FNDC3B: variants seen among roughly 807,000 people sequenced by gnomAD.
FNDC3B encodes the protein fibronectin type III domain containing 3B, also known as fibronectin type III domain-containing protein 3B.
FNDC3B carries 12 observed loss-of-function variants against 151.5 expected under a neutral mutation model. The observed-to-expected ratio is 0.08, with a 90% confidence interval of 0.05 to 0.13. The LOEUF is 0.13. Ranked by LOEUF, FNDC3B falls within the 10% of genes least tolerant of loss-of-function variation. FNDC3B has a pLI of 1.00. For synonymous variants in FNDC3B, 528 were observed against 549.0 expected (o/e 0.96, Z 0.54); for missense variants, 1,214 against 1,505.3 (o/e 0.81, Z 3.20).
At chr3:172,051,083 C>CA (rs1716627185) in intron 1 of FNDC3B, among the ~76,000 whole-genome samples, 1 of 137,782 alleles carries the variant, frequency 7.3e-6, no homozygotes, top group South Asian at 2.3e-4. Flanking sequence ...TTTCTTTCTT[C>CA]TTTTTTTTTT....
chr3:172,394,101 CCTT>C lies in FNDC3B; in HGVS notation c.3304-3060_3304-3058del, dbSNP rs1736152053. Among the ~76,000 whole-genome samples, 4 of 18,694 alleles carry C rather than the reference CCTT, an allele frequency of 2.1e-4. No individual in the cohort carries two copies. In the East Asian group the frequency reaches 3.0e-3, roughly 14 times the overall value. 12.3% of individuals were successfully genotyped at this position (18,694 alleles called of 152,430 possible). Reference sequence around the variant, plus strand: ...CTAGCCTGGGTGACAGAGTGAGACTCCTTCTAAAAAAAAAAAAAAAAAAAAAAA... The same window carrying C: ...CTAGCCTGGGTGACAGAGTGAGACTCCTAAAAAAAAAAAAAAAAAAAAAAA... On this transcript the variant is annotated intron_variant, in intron 25 of 25. Transcript: ENST00000415807.
rs538489854 is a variant in FNDC3B at position 172,050,304 on chromosome 3, A to G, written c.-29+10533A>G. Among the ~76,000 whole-genome samples the G allele has an allele frequency of 1.7e-3, 263 of 152,350 alleles. 1 individual carries two copies. Among genetic ancestry groups the G allele is most frequent in the Non-Finnish European group, 3.0e-3 (205 of 68,038 alleles). The stretch of plus-strand genomic sequence containing the variant: ...CATTTACTACCACAAAATGTTTACC[A>G]TTCATTCCAGAACTCCTGGAAAACA... On this transcript the variant is annotated intron_variant, in intron 1 of 25. Coordinates refer to ENST00000415807, the MANE Select transcript of FNDC3B (RefSeq NM_022763.4).
In FNDC3B at chr3:172,400,632, A is replaced by G. The variant is rs1000115810; in HGVS notation, c.*3157A>G. ...TTGCAAATATTATGCTATATGTAAT[A>G]CCTAACTGTATCTGTAGTGTATATG... On this transcript the variant is annotated 3_prime_UTR_variant, in exon 26 of 26. Transcript: ENST00000415807. 2.6e-5 allele frequency: 4 copies of G among 152,634 alleles called. No individual in the cohort carries two copies. The highest frequency in any genetic ancestry group is 9.7e-5 in the African/African-American group (4 of 41,450). 9.5% of individuals were successfully genotyped at this position (152,634 alleles called of 1,614,324 possible). A position where few individuals can be genotyped will look rare whatever the true frequency, so the allele number is the denominator to read the frequency against.
At chr3:172,126,948 C>G (rs911614154) in intron 2 of FNDC3B, 1 of 454,026 alleles carries the variant, frequency 2.2e-6, no homozygotes, top group East Asian at 7.0e-5. Context: ...AGGAGTCACT[C>G]TTGTTGCCGG....
intron 1 of FNDC3B, among the ~76,000 whole-genome samples, chr3:172,089,263 T>TG (rs1718694149): frequency 6.6e-6 from 1 of 152,110 alleles, no homozygotes; most frequent in Non-Finnish European, 1.5e-5. Context: ...GAATCAAGAG[T>TG]GTAGGAAAAC....
In FNDC3B at chr3:172,116,994, T is replaced by C. The variant is rs181171970; in HGVS notation, c.111+4404T>C. On this transcript the variant is annotated intron_variant, in intron 2 of 25. Transcript: ENST00000415807. Reference sequence around the variant, plus strand: ...TAATCCACTCATGATCTGATAGACATCTGAGTTATTTTCACTTTTTGGCTG... The same window carrying C: ...TAATCCACTCATGATCTGATAGACACCTGAGTTATTTTCACTTTTTGGCTG... Among the ~76,000 whole-genome samples the C allele has an allele frequency of 1.2e-4, 18 of 152,372 alleles. No individual in the cohort carries two copies. The East Asian group carries it at 2.1e-3, about 18-fold the overall frequency.
At chr3:172,394,135 A>T (rs1324015931) in intron 25 of FNDC3B, among the ~76,000 whole-genome samples, 5 of 139,630 alleles carry the variant, frequency 3.6e-5, no homozygotes, top group African/African-American at 1.3e-4. Flanking sequence ...AAAAAAAAAA[A>T]ATGGATACAG....
At chr3:172,249,466 T>G (rs891879259) in intron 5 of FNDC3B, among the ~76,000 whole-genome samples, 1 of 152,196 alleles carries the variant, frequency 6.6e-6, no homozygotes, top group Admixed American at 6.5e-5. Context: ...TGATTTCAAA[T>G]TAAAGCAGTA....
chr3:172,104,195 A>G (rs1028705261), intron 1 of FNDC3B, among the ~76,000 whole-genome samples: 1 of 152,192 alleles, frequency 6.6e-6, no homozygotes, highest in African/African-American at 2.4e-5. Flanking sequence ...TTTAATCAAT[A>G]TTAGGTATGC....
At chr3:172,131,039 A>G (rs189451781) in intron 2 of FNDC3B, among the ~76,000 whole-genome samples, 1 of 152,324 alleles carries the variant, frequency 6.6e-6, no homozygotes, top group African/African-American at 2.4e-5. Flanking sequence ...TTTATATTGT[A>G]TATTTATGTA....
intron 4 of FNDC3B, among the ~76,000 whole-genome samples, chr3:172,229,431 C>T (rs1381582821): frequency 1.3e-5 from 2 of 152,076 alleles, no homozygotes; most frequent in African/African-American, 4.8e-5. Context: ...TAAATACACA[C>T]TTTCATGTCC....
At chr3:172,199,191 T>G (rs186112323) in intron 3 of FNDC3B, among the ~76,000 whole-genome samples, 1 of 148,412 alleles carries the variant, frequency 6.7e-6, no homozygotes, top group Non-Finnish European at 1.5e-5. Flanking sequence ...TTTTTATTTT[T>G]TTTTTTTTGA....
intron 11 of FNDC3B, among the ~76,000 whole-genome samples, chr3:172,325,724 G>C (rs945692045): frequency 6.6e-6 from 1 of 152,142 alleles, no homozygotes; most frequent in South Asian, 2.1e-4. Context: ...TGGAGCCAGT[G>C]GCCTTCTCCA....
At chr3:172,117,466 ACAT>A (rs2108548236) in intron 2 of FNDC3B, among the ~76,000 whole-genome samples, 1 of 152,340 alleles carries the variant, frequency 6.6e-6, no homozygotes, top group African/African-American at 2.4e-5. Context: ...AAAAGAATAA[ACAT>A]CAGCCCAAAT....
intron 1 of FNDC3B, among the ~76,000 whole-genome samples, chr3:172,079,993 A>T (rs1193542003): frequency 6.6e-6 from 1 of 152,228 alleles, no homozygotes; most frequent in African/African-American, 2.4e-5. Flanking sequence ...TGCCCAGTCA[A>T]GAAAATGGGG....
chr3:172,258,725 A>C (rs1165302996), intron 6 of FNDC3B, among the ~76,000 whole-genome samples: 1 of 152,096 alleles, frequency 6.6e-6, no homozygotes, highest in Non-Finnish European at 1.5e-5. Flanking sequence ...GCTTAATGTT[A>C]ATAAGGTCTG....
Position 172,344,270 on chromosome 3 carries a change from C to T in FNDC3B, c.2250+12C>T, listed in dbSNP as rs1479069417. 6.2e-7 allele frequency: 1 copy of T among 1,601,354 alleles called. No homozygotes were observed. The highest frequency in any genetic ancestry group is 2.3e-5 in the East Asian group (1 of 44,356). On this transcript the variant is annotated intron_variant, in intron 19 of 25. Coordinates refer to ENST00000415807, the MANE Select transcript of FNDC3B (RefSeq NM_022763.4). ...TGAATGATGGAGGGGTGAGTATAAG[C>T]CCATACACCATAACCAGAATCAGAA...
intron 18 of FNDC3B, among the ~76,000 whole-genome samples, chr3:172,343,606 T>C (rs1005690099): frequency 6.6e-6 from 1 of 152,348 alleles, no homozygotes; most frequent in Non-Finnish European, 1.5e-5. Context: ...GCGTTTCCTG[T>C]TGTGTCCAGC....
At chr3:172,216,614 G>T (rs950313863) in intron 3 of FNDC3B, among the ~76,000 whole-genome samples, 1 of 152,228 alleles carries the variant, frequency 6.6e-6, no homozygotes, top group Non-Finnish European at 1.5e-5. Context: ...TTGAGGCTGC[G>T]TTGAGCTGTG....
Sources: gnomAD v4.1 joint callset for allele counts (sites outside exome capture counted in the v4.1 genomes callset) on GRCh38, gnomAD v4.1.1 for gene constraint, MANE v1.5 for transcripts, NCBI Gene and HGNC (gene_info 2026-07-23, HGNC 2026-07-21) for gene names.